The following MEIS1 variants were observed in gnomAD, a reference collection of about 807,000 sequenced individuals.
MEIS1 encodes homeobox protein Meis1.
Under a neutral mutation model 50.8 loss-of-function variants are expected in MEIS1, and 5 were observed. That is an observed-to-expected ratio of 0.10 (90% confidence interval 0.05 to 0.21). The LOEUF is 0.21. MEIS1 is among the 10% of genes least tolerant of loss of function. The probability of loss-of-function intolerance (pLI) is 1.00; values close to 1 mark genes in which losing one functional copy is unlikely to be tolerated. For synonymous variants in MEIS1, 176 were observed against 179.3 expected (o/e 0.98, Z 0.15); for missense variants, 318 against 517.3 (o/e 0.61, Z 3.74).
chr2:66,521,143 A>G (rs552248522), intron 8 of MEIS1, among the ~76,000 whole-genome samples: 2 of 152,364 alleles, frequency 1.3e-5, no homozygotes, highest in South Asian at 2.1e-4. Flanking sequence ...AGAAAGCTAC[A>G]TCTGTTGATA....
intron 7 of MEIS1, among the ~76,000 whole-genome samples, chr2:66,486,781 G>A (rs1243317669): frequency 3.3e-5 from 5 of 152,162 alleles, no homozygotes. Flanking sequence ...TTCTTGAGCA[G>A]TGGTTTGTAG....
intron 7 of MEIS1, chr2:66,508,867 T>C: frequency 2.6e-6 from 1 of 383,002 alleles, no homozygotes; most frequent in Non-Finnish European, 5.4e-6. Context: ...AGCTTGTTTA[T>C]GGACTAGCAT....
chr2:66,509,536 T>G (rs1673772341), intron 7 of MEIS1, among the ~76,000 whole-genome samples: 1 of 152,218 alleles, frequency 6.6e-6, no homozygotes, highest in Non-Finnish European at 1.5e-5. Flanking sequence ...AATAGAAACC[T>G]TTTATTCAGG....
chr2:66,549,030 T>C (rs1023193388), intron 9 of MEIS1, among the ~76,000 whole-genome samples: 1 of 152,196 alleles, frequency 6.6e-6, no homozygotes, highest in Non-Finnish European at 1.5e-5. Flanking sequence ...TTGATGTCTA[T>C]TGCACCTACA....
At chr2:66,544,103 A>G (rs1437418058) in intron 8 of MEIS1, among the ~76,000 whole-genome samples, 1 of 152,148 alleles carries the variant, frequency 6.6e-6, no homozygotes, top group Admixed American at 6.5e-5. Flanking sequence ...CTCCCTAAAA[A>G]CAGCACTTCT....
intron 7 of MEIS1, among the ~76,000 whole-genome samples, chr2:66,476,542 G>A (rs965086823): frequency 3.9e-5 from 6 of 152,216 alleles, no homozygotes; most frequent in African/African-American, 1.4e-4. Context: ...TGGAGGAACA[G>A]ACAGTTTAGT....
At chr2:66,455,353 T>C (rs1188132539) in intron 6 of MEIS1, among the ~76,000 whole-genome samples, 1 of 152,236 alleles carries the variant, frequency 6.6e-6, no homozygotes, top group Non-Finnish European at 1.5e-5. Flanking sequence ...TATTATCTTC[T>C]TAGACCACAG....
chr2:66,519,735 A>G (rs530908808), intron 8 of MEIS1, among the ~76,000 whole-genome samples: 1 of 152,208 alleles, frequency 6.6e-6, no homozygotes, highest in African/African-American at 2.4e-5. Context: ...ACTTGATGTT[A>G]TGAAGGCCAA....
At chr2:66,564,722 T>G (rs1675297365) in intron 9 of MEIS1, among the ~76,000 whole-genome samples, 1 of 138,010 alleles carries the variant, frequency 7.2e-6, no homozygotes, top group African/African-American at 3.0e-5. Context: ...AAGTAATTGT[T>G]TTTTTTTTTT....
chr2:66,512,489 A>G (rs1258059356), intron 8 of MEIS1, among the ~76,000 whole-genome samples, 195 bp downstream of exon 8: 1 of 152,184 alleles, frequency 6.6e-6, no homozygotes, highest in East Asian at 1.9e-4. Context: ...TTTAAAATTC[A>G]CGATTGCGAT....
chr2:66,459,471 C>T (rs1282788308), intron 6 of MEIS1, among the ~76,000 whole-genome samples: 1 of 152,134 alleles, frequency 6.6e-6, no homozygotes, highest in African/African-American at 2.4e-5. Context: ...CTGTTGGGCA[C>T]TGTGATTGAT....
chr2:66,455,291 AAT>A (rs1672362759), intron 6 of MEIS1, among the ~76,000 whole-genome samples: 1 of 152,182 alleles, frequency 6.6e-6, no homozygotes, highest in South Asian at 2.1e-4. Flanking sequence ...CTTTGGTTGT[AAT>A]TATTCCTTTT....
chr2:66,542,004 A>G (rs1159919483), intron 8 of MEIS1, among the ~76,000 whole-genome samples: 4 of 152,236 alleles, frequency 2.6e-5, no homozygotes. Context: ...AAAGTATCCT[A>G]GATCAATGTA....
rs1365583562 is a variant in MEIS1, at chr2:66,516,586, TG to T, written c.888+4293del. Among the ~76,000 whole-genome samples, 10 of 152,142 alleles carry T rather than the reference TG, an allele frequency of 6.6e-5. No individual in the cohort carries two copies. The East Asian group carries it at 1.9e-3, about 29-fold the overall frequency. On this transcript the variant is annotated intron_variant, in intron 8 of 12. Coordinates refer to ENST00000272369, the MANE Select transcript of MEIS1 (RefSeq NM_002398.3). ...TTCTAGCCTGGAAAATTTGTGTGTG[TG>T]TGTGTGTGTGTGTGTGTGCGGCCAA...
intron 7 of MEIS1, among the ~76,000 whole-genome samples, chr2:66,499,696 TA>T (rs35294226): frequency 0.03 from 3,850 of 127,578 alleles, 104 homozygotes; most frequent in African/African-American, 0.081. Context: ...GTACATAGGT[TA>T]AAAAAAAAAA....
intron 8 of MEIS1, among the ~76,000 whole-genome samples, chr2:66,527,633 T>C: frequency 6.7e-6 from 1 of 149,480 alleles, no homozygotes; most frequent in East Asian, 2.0e-4. Flanking sequence ...TGTGTGTGTG[T>C]GTGTGTGTTG....
chr2:66,562,867 CA>C (rs1468788923), intron 9 of MEIS1, among the ~76,000 whole-genome samples: 3 of 152,096 alleles, frequency 2.0e-5, no homozygotes, highest in African/African-American at 7.2e-5. Flanking sequence ...AAGTACTTCA[CA>C]AAAGAAGACT....
At chr2:66,473,682 T>C (rs921495340) in intron 7 of MEIS1, among the ~76,000 whole-genome samples, 2 of 152,128 alleles carry the variant, frequency 1.3e-5, no homozygotes, top group Non-Finnish European at 2.9e-5. Flanking sequence ...AATGTAATTT[T>C]TTCCCCTTCT....
intron 2 of MEIS1, chr2:66,439,405 C>G (rs1671891872): frequency 8.0e-6 from 10 of 1,255,982 alleles, no homozygotes; most frequent in Admixed American, 4.0e-5. Flanking sequence ...GCCTGGGCTT[C>G]GCGCGGCCGC....
Sources: allele counts gnomAD v4.1 joint callset (sites outside exome capture counted in the v4.1 genomes callset), GRCh38; gene constraint gnomAD v4.1.1; transcripts MANE v1.5; gene names NCBI Gene and HGNC (gene_info 2026-07-23, HGNC 2026-07-21).